ADAMTS17: variants seen among roughly 807,000 people sequenced by gnomAD.
ADAMTS17 encodes ADAM metallopeptidase with thrombospondin type 1 motif 17, also known as A disintegrin and metalloproteinase with thrombospondin motifs 17.
In ADAMTS17, 113 loss-of-function variants were observed where a neutral mutation model predicts 141.5. That is an observed-to-expected ratio of 0.80 (90% CI 0.69 to 0.93). The LOEUF is 0.93. ADAMTS17 is among the 40% of genes least tolerant of loss of function. The probability of loss-of-function intolerance (pLI) is 0.00; values close to 1 mark genes in which losing one functional copy is unlikely to be tolerated. For missense variants in ADAMTS17, 1,659 were observed against 1,517.9 expected (o/e 1.09, Z -1.54); for synonymous variants, 768 against 630.6 (o/e 1.22, Z -3.27).
rs1567657704 is a variant in ADAMTS17, at chr15:99,997,477, G to A, written c.2704C>T (p.Pro902Ser). 4.3e-6 allele frequency: 7 copies of A among 1,613,548 alleles called. No individual in the cohort carries two copies. The highest frequency in any genetic ancestry group is 5.9e-6 in the Non-Finnish European group (7 of 1,179,972). ...GGCCGGGGGCCCGGGCAGTAGAGGG[G>A]CCGCGTAGCGACGTGTGTGCCGTTC... ...LQNGTHVATR[P>S]LYCPGPRPAA... The change falls in exon 19 of 22, where the codon CCC becomes TCC. Residue 902 changes from proline (P) to serine (S), a missense_variant. Physicochemically the swap from Pro to Ser is moderately conservative, Grantham distance 74 (BLOSUM62 -1). Transcript: ENST00000268070. This position sits in a 1 kb window ranked among gnomAD's most constrained non-coding sequence, Gnocchi z 4.7.
intron 18 of ADAMTS17, among the ~76,000 whole-genome samples, chr15:100,042,767 C>A (rs77700959): frequency 7.2e-5 from 11 of 152,104 alleles, no homozygotes; most frequent in Non-Finnish European, 8.8e-5. Flanking sequence ...CAGGACAGAG[C>A]GGGATGGTGT....
At chr15:100,154,160 G>A (rs1213977961) in intron 9 of ADAMTS17, among the ~76,000 whole-genome samples, 1 of 152,180 alleles carries the variant, frequency 6.6e-6, no homozygotes, top group African/African-American at 2.4e-5. Context: ...CAGCCTGGGA[G>A]ACAGAGTGAG....
At chr15:100,051,244 C>T (rs1407818806) in intron 17 of ADAMTS17, among the ~76,000 whole-genome samples, 1 of 152,186 alleles carries the variant, frequency 6.6e-6, no homozygotes, top group African/African-American at 2.4e-5. Flanking sequence ...CAAGCAGCAG[C>T]AGTTGAAGGT....
At chr15:100,057,294 G>A (rs1341905775) in intron 15 of ADAMTS17, among the ~76,000 whole-genome samples, 4 of 152,158 alleles carry the variant, frequency 2.6e-5, no homozygotes, top group Non-Finnish European at 5.9e-5. Context: ...AGGACACCCA[G>A]GCATGCTGAG....
At chr15:100,085,531 C>T (rs145742770) in intron 15 of ADAMTS17, among the ~76,000 whole-genome samples, 1,734 of 151,916 alleles carry the variant, frequency 0.011, 38 homozygotes, top group African/African-American at 0.041. Flanking sequence ...GACTCCAAGA[C>T]ACATAATTGT....
At chr15:100,062,188 C>G (rs548825109) in intron 15 of ADAMTS17, among the ~76,000 whole-genome samples, 1 of 152,300 alleles carries the variant, frequency 6.6e-6, no homozygotes, top group African/African-American at 2.4e-5. Flanking sequence ...AGGTGAAAAA[C>G]CATGGGGCTG....
At chr15:100,179,116 T>G (rs2040436167) in intron 8 of ADAMTS17, among the ~76,000 whole-genome samples, 1 of 152,198 alleles carries the variant, frequency 6.6e-6, no homozygotes, top group South Asian at 2.1e-4. Context: ...TTTAAAAATG[T>G]ACATTTAAAT....
chr15:100,272,747 A>T (rs1243482231), intron 4 of ADAMTS17, among the ~76,000 whole-genome samples: 1 of 151,092 alleles, frequency 6.6e-6, no homozygotes, highest in East Asian at 1.9e-4. Context: ...AGAAGTAGCA[A>T]AAGCAGGCAC....
At chr15:100,015,412 TTTTTG>T (rs2061268973) in intron 18 of ADAMTS17, among the ~76,000 whole-genome samples, 1 of 150,574 alleles carries the variant, frequency 6.6e-6, no homozygotes, top group African/African-American at 2.5e-5. Context: ...ACCTTGCTTT[TTTTTG>T]TTTTTCTTTT....
At chr15:100,063,351 C>T (rs557343478) in intron 15 of ADAMTS17, among the ~76,000 whole-genome samples, 55 of 152,354 alleles carry the variant, frequency 3.6e-4, no homozygotes, top group African/African-American at 1.2e-3. Flanking sequence ...TCAAGCTGCT[C>T]TCAGCTCTCC....
chr15:100,185,082 A>G (rs1439369528), intron 8 of ADAMTS17, among the ~76,000 whole-genome samples: 4 of 152,190 alleles, frequency 2.6e-5, no homozygotes, highest in Non-Finnish European at 1.5e-5. Context: ...TGAAAGCGCT[A>G]CAGTCTGTGG....
intron 7 of ADAMTS17, among the ~76,000 whole-genome samples, chr15:100,239,182 G>A (rs913380489): frequency 3.4e-4 from 51 of 152,206 alleles, no homozygotes; most frequent in Non-Finnish European, 5.6e-4. Flanking sequence ...GTGTGCCTTC[G>A]GGCAAGACAT....
chr15:100,056,168 A>C (rs1226018141), intron 15 of ADAMTS17, among the ~76,000 whole-genome samples: 1 of 152,238 alleles, frequency 6.6e-6, no homozygotes, highest in African/African-American at 2.4e-5. Context: ...TAATAATGCA[A>C]ATACATACTT....
intron 7 of ADAMTS17, among the ~76,000 whole-genome samples, chr15:100,209,113 C>CAAAAAAAAAAAAAAAA (rs60742726): frequency 1.0e-5 from 1 of 96,962 alleles, no homozygotes; most frequent in Non-Finnish European, 1.9e-5. Flanking sequence ...GCCAAGTTAG[C>CAAAAAAAAAAAAAAAA]AAAAAAAAAA....
intron 18 of ADAMTS17, among the ~76,000 whole-genome samples, chr15:99,999,556 G>A (rs1287387328): frequency 6.6e-6 from 1 of 152,098 alleles, no homozygotes; most frequent in Non-Finnish European, 1.5e-5. Flanking sequence ...GAGAGCGAGG[G>A]GAAAGGATGG....
chr15:100,241,074 T>C (rs965250459), intron 7 of ADAMTS17, among the ~76,000 whole-genome samples: 1 of 152,210 alleles, frequency 6.6e-6, no homozygotes, highest in Non-Finnish European at 1.5e-5. Flanking sequence ...TCCATCCACA[T>C]TGGTCTCCCA....
At chr15:100,229,207 C>A (rs1205742742) in intron 7 of ADAMTS17, among the ~76,000 whole-genome samples, 1 of 152,268 alleles carries the variant, frequency 6.6e-6, no homozygotes, top group African/African-American at 2.4e-5. Context: ...TCCTGCACAA[C>A]CCAACAGCTT....
intron 7 of ADAMTS17, among the ~76,000 whole-genome samples, chr15:100,234,660 T>C (rs1164681504): frequency 1.3e-5 from 2 of 152,178 alleles, no homozygotes; most frequent in African/African-American, 4.8e-5. Flanking sequence ...TCTCAAAACA[T>C]ATGTTTACCT....
At chr15:100,080,976 G>A (rs2034695115) in intron 15 of ADAMTS17, among the ~76,000 whole-genome samples, 1 of 152,126 alleles carries the variant, frequency 6.6e-6, no homozygotes, top group Non-Finnish European at 1.5e-5. Context: ...GACTTGTGAT[G>A]GTTGATACTG....
Sources: allele counts gnomAD v4.1 joint callset (sites outside exome capture counted in the v4.1 genomes callset), GRCh38; gene constraint gnomAD v4.1.1; non-coding constraint Gnocchi (gnomAD v3.1); transcripts MANE v1.5; gene names NCBI Gene and HGNC (gene_info 2026-07-23, HGNC 2026-07-21).